The following DLC1 variants were observed in gnomAD, a reference collection of about 807,000 sequenced individuals.
DLC1 encodes rho GTPase-activating protein 7.
A neutral mutation model predicts 140.3 loss-of-function variants in DLC1; 54 were observed. That is an observed-to-expected ratio of 0.38 (90% confidence interval 0.31 to 0.48). The LOEUF (loss-of-function observed/expected upper bound fraction) is 0.48, where lower values mean the gene tolerates loss of function less well. DLC1 is among the 20% of genes least tolerant of loss of function. The pLI is 0.96. For missense variants in DLC1, 2,536 were observed against 1,907.0 expected, an observed-to-expected ratio of 1.33 and a Z score of -6.14; for synonymous variants, 986 against 728.1, an observed-to-expected ratio of 1.35 and a Z score of -5.70.
chr8:13,381,219 G>C (rs185125418), intron 4 of DLC1, among the ~76,000 whole-genome samples: 5 of 152,278 alleles, frequency 3.3e-5, no homozygotes, highest in Admixed American at 3.3e-4. Context: ...TGTATCACAT[G>C]GCATCGTGTA....
intron 1 of DLC1, among the ~76,000 whole-genome samples, chr8:13,563,229 T>C (rs1008342122): frequency 3.9e-5 from 6 of 152,134 alleles, no homozygotes; most frequent in African/African-American, 1.4e-4. Flanking sequence ...TTCTAACACT[T>C]CAACTTGCAA....
At chr8:13,235,178 A>G (rs934422903) in intron 5 of DLC1, among the ~76,000 whole-genome samples, 1 of 152,084 alleles carries the variant, frequency 6.6e-6, no homozygotes, top group Non-Finnish European at 1.5e-5. Flanking sequence ...CTGGGAGGCA[A>G]TTGAAAGAAC....
chr8:13,148,683 G>C (rs1585771745), intron 5 of DLC1, among the ~76,000 whole-genome samples: 1 of 152,056 alleles, frequency 6.6e-6, no homozygotes. Flanking sequence ...GTTGTTTTCT[G>C]TCTAAAAGCC....
At chr8:13,268,203 T>A (rs906874701) in intron 5 of DLC1, among the ~76,000 whole-genome samples, 1 of 152,236 alleles carries the variant, frequency 6.6e-6, no homozygotes, top group African/African-American at 2.4e-5. Context: ...AGTCAGTATG[T>A]CATTTTAAAA....
chr8:13,542,031 G>C (rs1262502281), intron 1 of DLC1, among the ~76,000 whole-genome samples: 1 of 152,072 alleles, frequency 6.6e-6, no homozygotes, highest in African/African-American at 2.4e-5. Flanking sequence ...ATTTTCTTAA[G>C]AATATCTTTT....
intron 2 of DLC1, among the ~76,000 whole-genome samples, chr8:13,451,957 T>C (rs754094773): frequency 6.6e-6 from 1 of 152,182 alleles, no homozygotes; most frequent in Non-Finnish European, 1.5e-5. Context: ...CTGTTCTCCA[T>C]AGTGGTTGTA....
At chr8:13,450,913 C>T (rs1343349273) in intron 2 of DLC1, among the ~76,000 whole-genome samples, 1 of 151,418 alleles carries the variant, frequency 6.6e-6, no homozygotes, top group Non-Finnish European at 1.5e-5. Flanking sequence ...GTGGCCTGTG[C>T]CTGTAGTCCC....
chr8:13,100,904 GTTTTTT>G, intron 8 of DLC1, 134 bp from the exon 9 acceptor site: 2 of 590,446 alleles, frequency 3.4e-6, no homozygotes, highest in Non-Finnish European at 5.0e-6. Context: ...TAATTTTAAA[GTTTTTT>G]TTTTTTTTTT....
chr8:13,495,290 C>G (rs1247499459), intron 2 of DLC1, among the ~76,000 whole-genome samples: 3 of 152,146 alleles, frequency 2.0e-5, no homozygotes, highest in African/African-American at 7.2e-5. Flanking sequence ...AACCTCAAGT[C>G]TTTCCCTAAA....
At chr8:13,600,831 G>T (rs930301199) in intron 1 of DLC1, among the ~76,000 whole-genome samples, 3 of 151,318 alleles carry the variant, frequency 2.0e-5, no homozygotes, top group African/African-American at 7.3e-5. Context: ...AAGCAAAACT[G>T]ATCAGGGCAT....
intron 5 of DLC1, among the ~76,000 whole-genome samples, chr8:13,120,342 C>CAAAAAAAAAAAAAAAAAAAAAA (rs1554577908): frequency 1.7e-5 from 1 of 58,814 alleles, no homozygotes; most frequent in African/African-American, 5.1e-5. Flanking sequence ...GACTCCGTCG[C>CAAAAAAAAAAAAAAAAAAAAAA]AAAAAAAAAA....
At chr8:13,117,810 G>A (rs907361321) in intron 5 of DLC1, among the ~76,000 whole-genome samples, 7 of 152,188 alleles carry the variant, frequency 4.6e-5, no homozygotes, top group Admixed American at 2.0e-4. Flanking sequence ...CAATTCACTA[G>A]CCAATCCTGC....
Position 13,391,900 on chromosome 8 carries a change from GAA to G in DLC1, c.1314+1651_1314+1652del, listed in dbSNP as rs544663879. Among the ~76,000 whole-genome samples, 250 of 92,920 alleles carry G rather than the reference GAA, an allele frequency of 2.7e-3. 2 individuals carry two copies. The highest frequency in any genetic ancestry group is 0.012 in the Admixed American group (113 of 9,580). The allele number at this position is 92,920 out of a possible 152,430, so 61.0% of individuals were successfully genotyped here. On this transcript the variant is annotated intron_variant, in intron 4 of 17. Coordinates refer to ENST00000276297, the MANE Select transcript of DLC1 (RefSeq NM_182643.3). Reference sequence around the variant, plus strand: ...GAGCCCCACACCTGTCCCCAATGTTGAAAAAAAAGAAAAAGCCAATGCATCAA... The same window carrying G: ...GAGCCCCACACCTGTCCCCAATGTTGAAAAAAGAAAAAGCCAATGCATCAA...
At chr8:13,393,404 G>T (rs1370231629) in intron 4 of DLC1, 149 bp downstream of exon 4, 1 of 870,948 alleles carries the variant, frequency 1.1e-6, no homozygotes, top group Non-Finnish European at 1.6e-6. Flanking sequence ...TTTTTCTAGG[G>T]TTGTACTTAA....
At chr8:13,454,429 A>C (rs117610247) in intron 2 of DLC1, among the ~76,000 whole-genome samples, 3,578 of 152,354 alleles carry the variant, frequency 0.023, 61 homozygotes, top group Middle Eastern at 0.041. Context: ...CATTTCCATG[A>C]AGTTCCTAAC....
At chr8:13,249,670 C>A (rs111264944) in intron 5 of DLC1, among the ~76,000 whole-genome samples, 1 of 152,198 alleles carries the variant, frequency 6.6e-6, no homozygotes, top group African/African-American at 2.4e-5. Flanking sequence ...TCTTTTACAG[C>A]AACGTTCCCT....
chr8:13,241,860 T>C (rs188555573), intron 5 of DLC1, among the ~76,000 whole-genome samples: 2 of 152,156 alleles, frequency 1.3e-5, no homozygotes, highest in African/African-American at 4.8e-5. Context: ...TTTCCTCTCT[T>C]AGCAGCTTGC....
intron 14 of DLC1, 36 bp from the exon 15 acceptor site, chr8:13,090,506 C>A: frequency 1.2e-6 from 2 of 1,606,750 alleles, no homozygotes; most frequent in South Asian, 2.2e-5. Flanking sequence ...GGAGGTGAGT[C>A]CACCTGTACT....
intron 4 of DLC1, among the ~76,000 whole-genome samples, chr8:13,366,008 A>T (rs1014018035): frequency 6.6e-6 from 1 of 152,208 alleles, no homozygotes; most frequent in Non-Finnish European, 1.5e-5. Context: ...TAGAAGGTGA[A>T]GTGGGAAAAG....
Sources: gnomAD v4.1 joint callset for allele counts (sites outside exome capture counted in the v4.1 genomes callset) on GRCh38, gnomAD v4.1.1 for gene constraint, MANE v1.5 for transcripts, NCBI Gene and HGNC (gene_info 2026-07-23, HGNC 2026-07-21) for gene names.